WARS1: variants seen among roughly 807,000 people sequenced by gnomAD.
The protein encoded by WARS1 is tryptophan--tRNA ligase, cytoplasmic.
WARS1 carries 17 observed loss-of-function variants against 47.8 expected under a neutral mutation model. The observed-to-expected ratio is 0.36, with a 90% CI of 0.24 to 0.53. The LOEUF is 0.53. Ranked by LOEUF, WARS1 falls within the 20% of genes least tolerant of loss-of-function variation. The pLI is 0.91. For missense variants in WARS1, 434 were observed against 608.0 expected (o/e 0.71, Z 3.01); for synonymous variants, 208 against 228.1 (o/e 0.91, Z 0.79).
chr14:100,357,519 T>C (rs951585541), intron 4 of WARS1, among the ~76,000 whole-genome samples: 1 of 151,990 alleles, frequency 6.6e-6, no homozygotes, highest in Non-Finnish European at 1.5e-5. Context: ...TGGAGTGCAA[T>C]GGCACGATCT....
chr14:100,368,414 G>A (rs988378454), intron 2 of WARS1: 2 of 455,902 alleles, frequency 4.4e-6, no homozygotes, highest in East Asian at 6.9e-5. Flanking sequence ...CTGCCTGGAC[G>A]GGAAGTGGTT....
In WARS1 at chr14:100,371,273, C is replaced by T. The variant is rs1896329363; in HGVS notation, c.-73-2015G>A. Among the ~76,000 whole-genome samples the T allele has an allele frequency of 2.7e-5, 4 of 150,322 alleles. No homozygotes were observed. The South Asian group carries it at 8.5e-4, about 32-fold the overall frequency. On this transcript the variant is annotated intron_variant, in intron 1 of 10. Transcript: ENST00000392882. ...GACCAGCCTGGCCAACATGGTGAAA[C>T]CCCGTCTCAACTAAAAATAGAGAAA...
intron 7 of WARS1, among the ~76,000 whole-genome samples, chr14:100,344,874 C>T (rs1894449528): frequency 6.8e-6 from 1 of 146,940 alleles, no homozygotes; most frequent in South Asian, 2.2e-4. Context: ...AGTGAGGAGC[C>T]CCTCCACCCG....
intron 2 of WARS1, among the ~76,000 whole-genome samples, chr14:100,362,159 T>C (rs1452303269): frequency 6.6e-6 from 1 of 152,192 alleles, no homozygotes; most frequent in Non-Finnish European, 1.5e-5. Context: ...TCGAAAACAC[T>C]TCATTTTTAT....
intron 1 of WARS1, among the ~76,000 whole-genome samples, 171 bp downstream of exon 1, chr14:100,375,112 C>T (rs1437676067): frequency 6.6e-6 from 1 of 152,190 alleles, no homozygotes; most frequent in Non-Finnish European, 1.5e-5. Context: ...CAGCCAGGAT[C>T]TCTGTTCCCT....
At chr14:100,347,956 C>T (rs574497426) in intron 6 of WARS1, among the ~76,000 whole-genome samples, 8 of 152,262 alleles carry the variant, frequency 5.3e-5, no homozygotes, top group South Asian at 2.1e-4. Flanking sequence ...TTAGACACTA[C>T]GAGGGAAAAG....
chr14:100,351,231 G>C (rs1894958540), intron 6 of WARS1, among the ~76,000 whole-genome samples: 1 of 152,172 alleles, frequency 6.6e-6, no homozygotes, highest in Non-Finnish European at 1.5e-5. Context: ...CAGCTACTGG[G>C]CAATGCCAGC....
chr14:100,359,067 G>A (rs1467779011), intron 4 of WARS1, among the ~76,000 whole-genome samples: 2 of 152,166 alleles, frequency 1.3e-5, no homozygotes, highest in Non-Finnish European at 2.9e-5. Flanking sequence ...TATGTTGCTG[G>A]TGGGAAAGTA....
chr14:100,336,149 G>T (rs8004957), intron 10 of WARS1, among the ~76,000 whole-genome samples: 4,122 of 151,616 alleles, frequency 0.027, 145 homozygotes, highest in African/African-American at 0.079. Flanking sequence ...GGTGGCGGGT[G>T]CCTGTAGTCC....
chr14:100,337,456 C>T (rs1223399511), intron 9 of WARS1, among the ~76,000 whole-genome samples: 1 of 152,090 alleles, frequency 6.6e-6, no homozygotes, highest in Non-Finnish European at 1.5e-5. Context: ...CTTTGAACCC[C>T]CCATCCTCGG....
At chr14:100,362,956 T>C (rs994113950) in intron 2 of WARS1, among the ~76,000 whole-genome samples, 6 of 152,204 alleles carry the variant, frequency 3.9e-5, no homozygotes, top group African/African-American at 1.4e-4. Context: ...CAAAATTATC[T>C]GAGACTCATC....
At chr14:100,350,435 A>G (rs1894903795) in intron 6 of WARS1, among the ~76,000 whole-genome samples, 1 of 142,312 alleles carries the variant, frequency 7.0e-6, no homozygotes, top group Non-Finnish European at 1.5e-5. Flanking sequence ...TTATTTAGCG[A>G]AGGTGGAGGC....
At position 100,360,645 on chromosome 14, in the gene WARS1, T is replaced by C. The variant is rs1566858927; in HGVS notation, c.331A>G (p.Lys111Glu). 1 of 1,613,898 alleles carries C rather than the reference T, an allele frequency of 6.2e-7. No homozygotes were observed. ...CGGTTTATTAGCTCTTTGTCAATTT[T>C]ACTACTTCCAAACCGAACTGGAAAA... Reference protein sequence around the residue: ...DKLIVRFGSSKIDKELINRIE... With the variant: ...DKLIVRFGSSEIDKELINRIE... Residue 111 changes from lysine to glutamate, a missense_variant, in exon 4 of 11, where the codon AAA (lysine) becomes GAA (glutamate). Transcript: ENST00000392882.
rs1287692146 is a variant in WARS1 at position 100,346,726 on chromosome 14, A to G, written c.826+20T>C. The G allele has an allele frequency of 3.1e-6, 5 of 1,587,740 alleles. No homozygotes were observed. The highest frequency in any genetic ancestry group is 4.3e-6 in the Non-Finnish European group (5 of 1,156,012). ...TTGAAGGGTGCAGGGAGTGGTCCACAGCAGCAGTGGGCCTCTTACCAATGC... is the reference window on the plus strand; with the variant it reads ...TTGAAGGGTGCAGGGAGTGGTCCACGGCAGCAGTGGGCCTCTTACCAATGC... On this transcript the variant is annotated intron_variant, in intron 7 of 10. Coordinates refer to ENST00000392882, the MANE Select transcript of WARS1 (RefSeq NM_004184.4).
At chr14:100,358,803 A>C (rs921502854) in intron 4 of WARS1, among the ~76,000 whole-genome samples, 3 of 152,268 alleles carry the variant, frequency 2.0e-5, no homozygotes, top group Non-Finnish European at 4.4e-5. Context: ...TCCAGAATAT[A>C]GAAAGAACTA....
intron 9 of WARS1, among the ~76,000 whole-genome samples, chr14:100,338,451 G>A (rs1893900601): frequency 6.6e-6 from 1 of 152,066 alleles, no homozygotes; most frequent in African/African-American, 2.4e-5. Context: ...ATTTTTTGTA[G>A]AGACCAGGTT....
chr14:100,343,229 T>A, intron 8 of WARS1, 46 bp downstream of exon 8: 9 of 1,513,966 alleles, frequency 5.9e-6, no homozygotes, highest in Non-Finnish European at 8.1e-6. Flanking sequence ...AGGAACCTGC[T>A]GTCAATGCCC....
intron 9 of WARS1, among the ~76,000 whole-genome samples, chr14:100,338,603 T>G (rs1332491626): frequency 1.3e-5 from 2 of 151,040 alleles, no homozygotes; most frequent in African/African-American, 4.9e-5. Context: ...CCCGGCTAAT[T>G]TTGTATTTTT....
At chr14:100,342,921 CAG>C (rs1335622918) in intron 8 of WARS1, among the ~76,000 whole-genome samples, 3 of 151,854 alleles carry the variant, frequency 2.0e-5, no homozygotes, top group Non-Finnish European at 2.9e-5. Flanking sequence ...TTTTTTGAGA[CAG>C]AGCCTTGCTC....
Sources: gnomAD v4.1 joint callset for allele counts (sites outside exome capture counted in the v4.1 genomes callset) on GRCh38, gnomAD v4.1.1 for gene constraint, MANE v1.5 for transcripts, NCBI Gene and HGNC (gene_info 2026-07-23, HGNC 2026-07-21) for gene names.